The following ERI3 variants were observed in gnomAD, a reference collection of about 807,000 sequenced individuals.
ERI3 encodes the protein ERI1 exoribonuclease 3.
A neutral mutation model predicts 44.4 loss-of-function variants in ERI3; 18 were observed. The observed-to-expected ratio is 0.41, with a 90% CI of 0.28 to 0.60. The LOEUF (loss-of-function observed/expected upper bound fraction) is 0.60, where lower values mean the gene tolerates loss of function less well. Ranked by LOEUF, ERI3 falls within the 20% of genes least tolerant of loss-of-function variation. The pLI is 0.36. For missense variants in ERI3, 294 were observed against 435.5 expected, an observed-to-expected ratio of 0.68 and a Z score of 2.89; for synonymous variants, 183 against 164.8, an observed-to-expected ratio of 1.11 and a Z score of -0.84.
intron 1 of ERI3, 68 bp from the exon 2 acceptor site, chr1:44,352,993 T>C: frequency 6.2e-7 from 1 of 1,602,622 alleles, no homozygotes; most frequent in South Asian, 1.1e-5. Flanking sequence ...CCATGAAGGA[T>C]ACTACACCTC....
chr1:44,245,274 C>T (rs904760805), intron 8 of ERI3, among the ~76,000 whole-genome samples: 6 of 152,212 alleles, frequency 3.9e-5, no homozygotes, highest in Non-Finnish European at 1.5e-5. Flanking sequence ...AATTAATGCC[C>T]TGCATCCTCC....
At chr1:44,298,650 C>A (rs1454589788) in intron 6 of ERI3, among the ~76,000 whole-genome samples, 1 of 152,180 alleles carries the variant, frequency 6.6e-6, no homozygotes, top group Non-Finnish European at 1.5e-5. Context: ...TGCGGTGTCT[C>A]ATGCCTGTAA....
intron 8 of ERI3, among the ~76,000 whole-genome samples, chr1:44,223,825 C>T (rs72891738): frequency 0.039 from 5,996 of 152,260 alleles, 386 homozygotes; most frequent in African/African-American, 0.14. Flanking sequence ...CCACTCTACA[C>T]ACTGGATGGC....
chr1:44,232,791 T>C (rs928645845), intron 8 of ERI3, among the ~76,000 whole-genome samples: 101 of 152,224 alleles, frequency 6.6e-4, no homozygotes, highest in Admixed American at 6.5e-3. Flanking sequence ...TGGCTGTACC[T>C]AGCTGTCTGG....
chr1:44,343,228 A>C (rs996365612), intron 2 of ERI3, among the ~76,000 whole-genome samples: 7 of 152,162 alleles, frequency 4.6e-5, no homozygotes, highest in Admixed American at 2.6e-4. Context: ...AATGCACTGA[A>C]TAGAAAACCA....
intron 6 of ERI3, among the ~76,000 whole-genome samples, chr1:44,307,864 C>G (rs1645872671): frequency 6.6e-6 from 1 of 152,204 alleles, no homozygotes; most frequent in Non-Finnish European, 1.5e-5. Context: ...TGGTAAATTA[C>G]TTAACCTTTC....
At chr1:44,260,051 C>T (rs183702128) in intron 7 of ERI3, among the ~76,000 whole-genome samples, 44 of 152,228 alleles carry the variant, frequency 2.9e-4, no homozygotes, top group African/African-American at 9.9e-4. Flanking sequence ...GATTTTCCAT[C>T]TAGAAGGAGA....
At chr1:44,327,072 T>C (rs530871494) in intron 3 of ERI3, among the ~76,000 whole-genome samples, 2 of 152,336 alleles carry the variant, frequency 1.3e-5, no homozygotes, top group African/African-American at 4.8e-5. Flanking sequence ...CTTCAGATAT[T>C]AGTGGCTTCT....
intron 6 of ERI3, among the ~76,000 whole-genome samples, chr1:44,293,672 C>T (rs1038337378): frequency 3.9e-5 from 6 of 152,214 alleles, no homozygotes; most frequent in Non-Finnish European, 8.8e-5. Flanking sequence ...GGGAATGTGA[C>T]TTTCCCAAGA....
chr1:44,304,900 T>G (rs77285567), intron 6 of ERI3, among the ~76,000 whole-genome samples: 1 of 152,112 alleles, frequency 6.6e-6, no homozygotes, highest in East Asian at 1.9e-4. Flanking sequence ...ATGCCTGCAT[T>G]TATGTGTTCA....
intron 7 of ERI3, among the ~76,000 whole-genome samples, chr1:44,282,191 C>G (rs1200969321): frequency 6.6e-6 from 1 of 152,098 alleles, no homozygotes; most frequent in African/African-American, 2.4e-5. Context: ...AGCTGAAAGA[C>G]ATTTTGCCTC....
At chr1:44,285,030 C>A in intron 6 of ERI3, 123 bp from the exon 7 acceptor site, 1 of 762,256 alleles carries the variant, frequency 1.3e-6, no homozygotes, top group South Asian at 1.6e-5. Flanking sequence ...ACCCATTAGC[C>A]ATGGGTCCCA....
chr1:44,346,968 G>A (rs183637868), intron 2 of ERI3, among the ~76,000 whole-genome samples: 1 of 152,150 alleles, frequency 6.6e-6, no homozygotes, highest in African/African-American at 2.4e-5. Flanking sequence ...GCCAGGCATT[G>A]TATCGATGAT....
chr1:44,238,358 A>G lies in ERI3; in HGVS notation c.931+9581T>C, dbSNP rs572578463. Reference sequence around the variant, plus strand: ...GCAGCTCCGGTTTATCGCAGGCTGCAGTGATAATCCCTGCGGAGAGTAAGG... The same window carrying G: ...GCAGCTCCGGTTTATCGCAGGCTGCGGTGATAATCCCTGCGGAGAGTAAGG... On this transcript the variant is annotated intron_variant, in intron 8 of 8. Transcript: ENST00000372257. Among the ~76,000 whole-genome samples the G allele has an allele frequency of 5.3e-4, 80 of 152,236 alleles. 2 individuals carry two copies. The South Asian group carries it at 0.016, about 30-fold the overall frequency.
chr1:44,313,129 A>G (rs1352809562), intron 5 of ERI3, 40 bp downstream of exon 5: 1 of 1,583,062 alleles, frequency 6.3e-7, no homozygotes, highest in Non-Finnish European at 8.7e-7. Flanking sequence ...AGGCAGCAGG[A>G]AGGGGTCAGA....
At chr1:44,317,329 T>C (rs113314295) in intron 4 of ERI3, among the ~76,000 whole-genome samples, 8 of 152,176 alleles carry the variant, frequency 5.3e-5, no homozygotes, top group Non-Finnish European at 1.0e-4. Flanking sequence ...AACTGCCAGG[T>C]TGGATGAGGT....
chr1:44,316,331 C>G (rs1359169689), intron 4 of ERI3, among the ~76,000 whole-genome samples: 2 of 152,180 alleles, frequency 1.3e-5, no homozygotes, highest in Non-Finnish European at 2.9e-5. Context: ...AATGTGTGCT[C>G]TGTGGCTCCT....
chr1:44,222,602 C>G (rs900191435), intron 8 of ERI3, among the ~76,000 whole-genome samples: 1 of 152,188 alleles, frequency 6.6e-6, no homozygotes, highest in African/African-American at 2.4e-5. Flanking sequence ...CCACCACCAC[C>G]AGCAGCAGGA....
intron 6 of ERI3, among the ~76,000 whole-genome samples, chr1:44,307,034 A>G (rs780739047): frequency 6.6e-6 from 1 of 152,184 alleles, no homozygotes; most frequent in East Asian, 1.9e-4. Flanking sequence ...CCTCTGATTC[A>G]TATCTGCTTC....
Sources: allele counts gnomAD v4.1 joint callset (sites outside exome capture counted in the v4.1 genomes callset), GRCh38; gene constraint gnomAD v4.1.1; transcripts MANE v1.5; gene names NCBI Gene and HGNC (gene_info 2026-07-23, HGNC 2026-07-21).